Variants in TBC1D8 observed in about 807,000 individuals in gnomAD.
TBC1D8 encodes BUB2-like protein 1.
A neutral mutation model predicts 118.8 loss-of-function variants in TBC1D8; 65 were observed. The ratio of observed to expected loss-of-function variants is 0.55; its 90% CI spans 0.45 to 0.67. The LOEUF (loss-of-function observed/expected upper bound fraction) is 0.67. Ranked by LOEUF, TBC1D8 falls within the 30% of genes least tolerant of loss-of-function variation. The pLI is 0.00. For synonymous variants in TBC1D8, 566 were observed against 595.8 expected (o/e 0.95, Z 0.73); for missense variants, 1,376 against 1,471.2 (o/e 0.94, Z 1.06).
At chr2:101,025,295 T>C (rs1558629855) in intron 15 of TBC1D8, among the ~76,000 whole-genome samples, 1 of 152,148 alleles carries the variant, frequency 6.6e-6, no homozygotes, top group Non-Finnish European at 1.5e-5. Context: ...GCTATGATCT[T>C]GGCTCATTGC....
At chr2:101,035,330 C>T (rs960866650) in intron 9 of TBC1D8, among the ~76,000 whole-genome samples, 2 of 152,144 alleles carry the variant, frequency 1.3e-5, no homozygotes, top group African/African-American at 2.4e-5. Flanking sequence ...GAGCAAGTCG[C>T]TCACAGTTGA....
At chr2:101,073,292 TTTTATTTA>T (rs1394454725) in intron 2 of TBC1D8, among the ~76,000 whole-genome samples, 2 of 138,016 alleles carry the variant, frequency 1.4e-5, no homozygotes, top group African/African-American at 2.8e-5. Context: ...TTTTATTTTA[TTTTATTTA>T]TTTTTTTTTT....
rs1680402724 is a variant in TBC1D8 at position 101,027,440 on chromosome 2, A to C, written c.2463T>G (p.Val821=). Residue 821 remains valine, a synonymous_variant, in exon 15 of 20, where the codon GTT becomes GTG. Transcript: ENST00000409318. ...DTTKQNVLRV[V]IPEVSILPED... The stretch of plus-strand genomic sequence containing the variant: ...CAGGAAGAATTGAGACTTCCGGGAT[A>C]ACGACTCGAAGCTTGAGGAAAGAAT... The C allele has an allele frequency of 3.1e-6, 5 of 1,612,982 alleles. No individual in the cohort carries two copies. Among genetic ancestry groups the C allele is most frequent in the Non-Finnish European group, 4.2e-6 (5 of 1,179,162 alleles).
intron 2 of TBC1D8, among the ~76,000 whole-genome samples, chr2:101,060,668 G>A (rs1264573871): frequency 6.6e-6 from 1 of 152,146 alleles, no homozygotes; most frequent in Non-Finnish European, 1.5e-5. Flanking sequence ...AGCTCCTCAT[G>A]AAGGGCCTGG....
Position 101,011,505 on chromosome 2 carries a change from A to G in TBC1D8, c.2863T>C (p.Leu955=). ...GATGTTGACAACAGAGGATTCCTCA[A>G]CGGCGACTGGCTGTCTCGGTCATTT... is the stretch of plus-strand genomic sequence containing the variant. ...TENDRDSQSP[L]RNPLLSTSRP... The change falls in exon 18 of 20, where the codon TTG becomes CTG. Residue 955 remains leucine (L), a synonymous_variant. Transcript: ENST00000409318. The G allele has an allele frequency of 6.2e-7, 1 of 1,614,046 alleles. No individual in the cohort carries two copies. Among genetic ancestry groups the G allele is most frequent in the Non-Finnish European group, 8.5e-7 (1 of 1,179,898 alleles).
At chr2:101,086,441 A>G (rs963808718) in intron 2 of TBC1D8, among the ~76,000 whole-genome samples, 2 of 152,356 alleles carry the variant, frequency 1.3e-5, no homozygotes, top group Admixed American at 1.3e-4. Flanking sequence ...GCAGACTGCA[A>G]CAGTATACTA....
chr2:101,021,837 G>C (rs1009605469), intron 16 of TBC1D8, 91 bp from the exon 17 acceptor site: 2 of 815,896 alleles, frequency 2.5e-6, no homozygotes, highest in African/African-American at 3.4e-5. Context: ...CACTGGGGAA[G>C]GTCAATACCT....
intron 5 of TBC1D8, among the ~76,000 whole-genome samples, chr2:101,048,449 C>A (rs1681846640): frequency 6.6e-6 from 1 of 152,052 alleles, no homozygotes; most frequent in South Asian, 2.1e-4. Flanking sequence ...GCAACGAGCA[C>A]CCCCTCACCC....
At position 101,090,315 on chromosome 2, in the gene TBC1D8, G is replaced by A. The variant is rs761227625; in HGVS notation, c.177C>T (p.Val59=). Residue 59 remains valine (V), a synonymous_variant, in exon 2 of 20, where the codon GTC becomes GTT. Transcript: ENST00000409318. The part of the protein sequence containing the change: ...LDAVLDSNAR[V]APFRILLQVP... The stretch of plus-strand genomic sequence containing the variant: ...CTTGAAGCAGAATTCGAAATGGAGC[G>A]ACCCGTGCATTGGAATCCAACACTG... 1.8e-5 allele frequency: 29 copies of A among 1,613,878 alleles called. No homozygotes were observed. Among genetic ancestry groups the A allele is most frequent in the African/African-American group, 1.1e-4 (8 of 74,926 alleles).
At chr2:101,125,866 C>T (rs916867283) in intron 1 of TBC1D8, among the ~76,000 whole-genome samples, 4 of 152,202 alleles carry the variant, frequency 2.6e-5, no homozygotes, top group African/African-American at 9.7e-5. Flanking sequence ...CTTAGCTCTT[C>T]CTCCATCCAC....
At chr2:101,124,854 A>G (rs942096315) in intron 1 of TBC1D8, among the ~76,000 whole-genome samples, 1 of 152,180 alleles carries the variant, frequency 6.6e-6, no homozygotes, top group African/African-American at 2.4e-5. Flanking sequence ...CTTTCGAAGC[A>G]TCTGGAGACG....
At chr2:101,109,200 C>T (rs747333595) in intron 1 of TBC1D8, among the ~76,000 whole-genome samples, 1 of 152,038 alleles carries the variant, frequency 6.6e-6, no homozygotes, top group Non-Finnish European at 1.5e-5. Context: ...CAGGGTGGAA[C>T]CACCCACGGT....
chr2:101,018,027 A>C (rs950884565), intron 17 of TBC1D8: 16 of 1,212,508 alleles, frequency 1.3e-5, no homozygotes, highest in Non-Finnish European at 1.9e-5. Flanking sequence ...CTCATTCTAC[A>C]TATCAACCCC....
chr2:101,077,005 AGTGCT>A (rs1332818164), intron 2 of TBC1D8, among the ~76,000 whole-genome samples: 2 of 152,162 alleles, frequency 1.3e-5, no homozygotes, highest in Non-Finnish European at 2.9e-5. Context: ...GAGAGGCGGT[AGTGCT>A]ACATACTTTT....
intron 1 of TBC1D8, among the ~76,000 whole-genome samples, chr2:101,129,749 CA>C (rs1244728741): frequency 3.3e-5 from 5 of 151,794 alleles, no homozygotes; most frequent in African/African-American, 9.7e-5. Flanking sequence ...ACTAAAAATA[CA>C]AACAATTAGC....
Position 101,008,161 on chromosome 2 carries a change from C to T in TBC1D8, c.3128G>A (p.Gly1043Glu), listed in dbSNP as rs1678883684. The change falls in exon 20 of 20, where the codon GGG becomes GAG. Residue 1043 changes from glycine (G) to glutamate (E), a missense_variant. Coordinates refer to ENST00000409318, the MANE Select transcript of TBC1D8 (RefSeq NM_001330348.2). ...ATVTTLLLQI[G>E]EVGQRGSSSG... ...GCTGCTGCCTCGCTGCCCCACCTCC[C>T]CGATCTGCAGCAGCAGTGTGGTGAC... The T allele has an allele frequency of 6.2e-7, 1 of 1,613,730 alleles. No individual in the cohort carries two copies. The highest frequency in any genetic ancestry group is 8.5e-7 in the Non-Finnish European group (1 of 1,179,826).
chr2:101,075,320 C>G (rs757665743), intron 2 of TBC1D8, among the ~76,000 whole-genome samples: 18 of 150,376 alleles, frequency 1.2e-4, no homozygotes, highest in Non-Finnish European at 2.2e-4. Flanking sequence ...ATTGCTTGAA[C>G]CTGGGAGGTT....
intron 8 of TBC1D8, among the ~76,000 whole-genome samples, chr2:101,037,322 C>T (rs568965613): frequency 2.0e-5 from 3 of 152,214 alleles, no homozygotes; most frequent in East Asian, 1.9e-4. Flanking sequence ...GAGAGCTGCG[C>T]GAGGTTTACC....
intron 2 of TBC1D8, among the ~76,000 whole-genome samples, chr2:101,080,957 G>A (rs1675224249): frequency 6.6e-6 from 1 of 151,834 alleles, no homozygotes; most frequent in Admixed American, 6.6e-5. Flanking sequence ...AAATTTTGTT[G>A]TAGAGATGGG....
Sources: allele counts gnomAD v4.1 joint callset (sites outside exome capture counted in the v4.1 genomes callset), GRCh38; gene constraint gnomAD v4.1.1; transcripts MANE v1.5; gene names NCBI Gene and HGNC (gene_info 2026-07-23, HGNC 2026-07-21).